The following DCC variants were observed in gnomAD, a reference collection of about 807,000 sequenced individuals.
DCC encodes the protein netrin receptor DCC.
DCC carries 58 observed loss-of-function variants against 172.5 expected under a neutral mutation model. The observed-to-expected ratio is 0.34, with a 90% CI of 0.27 to 0.42. DCC has a LOEUF of 0.42. Ranked by LOEUF, DCC falls within the 10% of genes least tolerant of loss-of-function variation. The pLI, the probability that DCC is intolerant of heterozygous loss-of-function variation, is 1.00. For missense variants in DCC, 1,740 were observed against 1,791.0 expected (o/e 0.97, Z 0.51); for synonymous variants, 709 against 644.5 (o/e 1.10, Z -1.52).
Position 52,879,412 on chromosome 18 carries a change from C to CTTT in DCC, c.413-26605_413-26603dup, listed in dbSNP as rs71175533. On this transcript the variant is annotated intron_variant, in intron 2 of 28. Transcript: ENST00000442544. ...AATTTCTAGCCCATATGTTGTTTGG[C>CTTT]TTTTTTTTTTTTTTTTTTTTTTTTT... Among the ~76,000 whole-genome samples, 54 of 62,330 alleles carry CTTT rather than the reference C, an allele frequency of 8.7e-4. 6 individuals are homozygous for CTTT. The highest frequency in any genetic ancestry group is 2.5e-3 in the African/African-American group (36 of 14,502). 40.9% of individuals were successfully genotyped at this position (62,330 alleles called of 152,430 possible).
intron 5 of DCC, among the ~76,000 whole-genome samples, chr18:53,038,268 A>G (rs1346545154): frequency 2.0e-5 from 3 of 152,034 alleles, no homozygotes; most frequent in Non-Finnish European, 4.4e-5. Flanking sequence ...TATTACTGGC[A>G]ATAATAATAC....
intron 12 of DCC, among the ~76,000 whole-genome samples, chr18:53,233,268 G>A (rs909795180): frequency 6.6e-6 from 1 of 152,120 alleles, no homozygotes; most frequent in African/African-American, 2.4e-5. Context: ...CAATTCACCT[G>A]TAGTGTCCTC....
chr18:53,185,687 A>G (rs891845244), intron 9 of DCC, among the ~76,000 whole-genome samples: 2 of 152,192 alleles, frequency 1.3e-5, no homozygotes, highest in Non-Finnish European at 2.9e-5. Flanking sequence ...GTGGCAGTCT[A>G]GGCACTATGC....
intron 14 of DCC, among the ~76,000 whole-genome samples, chr18:53,335,650 T>C (rs1445250991): frequency 6.6e-6 from 1 of 152,130 alleles, no homozygotes; most frequent in Non-Finnish European, 1.5e-5. Flanking sequence ...TTCAATAATA[T>C]AATCAAGAGT....
intron 3 of DCC, among the ~76,000 whole-genome samples, chr18:52,909,576 T>C (rs563390174): frequency 6.6e-6 from 1 of 152,322 alleles, no homozygotes; most frequent in African/African-American, 2.4e-5. Flanking sequence ...TGAAACTTAT[T>C]TCAGGTTGCC....
At chr18:53,191,166 A>G (rs551744743) in intron 9 of DCC, among the ~76,000 whole-genome samples, 111 of 152,268 alleles carry the variant, frequency 7.3e-4, no homozygotes, top group African/African-American at 2.5e-3. Context: ...TACTACTTCT[A>G]TTCTTCAGAG....
At position 53,432,226 on chromosome 18, in the gene DCC, A is replaced by G. The variant is rs191655105; in HGVS notation, c.3164-2918A>G. On this transcript the variant is annotated intron_variant, in intron 21 of 28. Coordinates refer to ENST00000442544, the MANE Select transcript of DCC (RefSeq NM_005215.4). ...AAGTTATTCTTAAATCTTTAATGTCAGAAAATATTAAGAACCATCTGCAGT... is the reference window on the plus strand; with the variant it reads ...AAGTTATTCTTAAATCTTTAATGTCGGAAAATATTAAGAACCATCTGCAGT... Among the ~76,000 whole-genome samples, 411 of 152,280 alleles carry G rather than the reference A, an allele frequency of 2.7e-3. 2 individuals carry two copies. The highest frequency in any genetic ancestry group is 4.2e-3 in the Non-Finnish European group (285 of 68,020).
intron 26 of DCC, among the ~76,000 whole-genome samples, chr18:53,497,326 A>G (rs965352966): frequency 6.6e-6 from 1 of 152,258 alleles, no homozygotes; most frequent in African/African-American, 2.4e-5. Context: ...ATCCTTTGTG[A>G]AAGAGCCTGC....
chr18:52,769,306 T>C (rs2037302798), intron 2 of DCC, among the ~76,000 whole-genome samples: 1 of 152,238 alleles, frequency 6.6e-6, no homozygotes, highest in South Asian at 2.1e-4. Context: ...GTTATTTTAA[T>C]TTATCACTTC....
chr18:53,399,535 T>C (rs1451060799), intron 18 of DCC, among the ~76,000 whole-genome samples: 1 of 152,124 alleles, frequency 6.6e-6, no homozygotes, highest in Non-Finnish European at 1.5e-5. Flanking sequence ...GGCTGAAATC[T>C]TCTGAAACTT....
intron 1 of DCC, among the ~76,000 whole-genome samples, chr18:52,570,445 A>C (rs1392202904): frequency 6.6e-6 from 1 of 152,222 alleles, no homozygotes; most frequent in Admixed American, 6.5e-5. Flanking sequence ...CTTTAATGTT[A>C]AACAAGCTTT....
chr18:52,395,087 G>A (rs138847498), intron 1 of DCC, among the ~76,000 whole-genome samples: 1 of 152,136 alleles, frequency 6.6e-6, no homozygotes, highest in Non-Finnish European at 1.5e-5. Context: ...TACTGATGAA[G>A]TTAAATAGAC....
At chr18:52,553,918 T>A (rs1447459243) in intron 1 of DCC, among the ~76,000 whole-genome samples, 1 of 152,076 alleles carries the variant, frequency 6.6e-6, no homozygotes, top group Non-Finnish European at 1.5e-5. Context: ...CATGTGATAG[T>A]GACTTTAAGA....
At chr18:53,403,881 T>C (rs1909477533) in intron 19 of DCC, among the ~76,000 whole-genome samples, 1 of 152,160 alleles carries the variant, frequency 6.6e-6, no homozygotes. Flanking sequence ...AAATTCCAAA[T>C]AGGATTGAAA....
At chr18:53,247,290 G>C (rs2056376545) in intron 12 of DCC, among the ~76,000 whole-genome samples, 1 of 151,996 alleles carries the variant, frequency 6.6e-6, no homozygotes, top group Admixed American at 6.6e-5. Flanking sequence ...AGGAAGCTGA[G>C]AAATATGACC....
At chr18:52,446,841 T>C (rs1163072536) in intron 1 of DCC, among the ~76,000 whole-genome samples, 1 of 152,214 alleles carries the variant, frequency 6.6e-6, no homozygotes, top group East Asian at 1.9e-4. Flanking sequence ...TGAGGCAAGT[T>C]GAACAGAACC....
At chr18:52,760,281 T>A (rs1009142297) in intron 2 of DCC, among the ~76,000 whole-genome samples, 2 of 152,128 alleles carry the variant, frequency 1.3e-5, no homozygotes, top group Non-Finnish European at 2.9e-5. Flanking sequence ...TCAGATCTCA[T>A]GAGAACTCAC....
At chr18:52,982,910 C>T (rs1490862612) in intron 5 of DCC, among the ~76,000 whole-genome samples, 2 of 152,204 alleles carry the variant, frequency 1.3e-5, no homozygotes, top group African/African-American at 4.8e-5. Flanking sequence ...TCACCCTCTT[C>T]TTCTCCATTA....
At chr18:52,649,060 G>T (rs573309084) in intron 1 of DCC, among the ~76,000 whole-genome samples, 2 of 152,030 alleles carry the variant, frequency 1.3e-5, no homozygotes, top group Non-Finnish European at 2.9e-5. Context: ...CTTAAAATAC[G>T]CAGAAGAACT....
Sources: allele counts gnomAD v4.1 joint callset (sites outside exome capture counted in the v4.1 genomes callset), GRCh38; gene constraint gnomAD v4.1.1; transcripts MANE v1.5; gene names NCBI Gene and HGNC (gene_info 2026-07-23, HGNC 2026-07-21).